The following RTL9 variants were observed in gnomAD, a reference collection of about 807,000 sequenced individuals.
RTL9 encodes retrotransposon Gag like 9, also known as retrotransposon Gag-like protein 9.
In RTL9, 19 loss-of-function variants were observed where a neutral mutation model predicts 44.7. The ratio of observed to expected loss-of-function variants is 0.42; its 90% CI spans 0.30 to 0.62. The LOEUF is 0.62. Ranked by LOEUF, RTL9 falls within the 20% of genes least tolerant of loss-of-function variation. RTL9 has a pLI of 0.16. For missense variants in RTL9, 1,105 were observed against 1,080.6 expected, an observed-to-expected ratio of 1.02 and a Z score of -0.32; for synonymous variants, 407 against 398.9, an observed-to-expected ratio of 1.02 and a Z score of -0.24.
chrX:110,382,063 C>T (rs766218269), intron 1 of RTL9, among the ~76,000 whole-genome samples: 1 of 111,669 alleles, frequency 9.0e-6, no homozygotes, highest in African/African-American at 3.3e-5. Flanking sequence ...TAATTCAAGT[C>T]TGAATCTATG....
intron 1 of RTL9, among the ~76,000 whole-genome samples, chrX:110,408,539 C>G (rs1270590718): frequency 2.7e-5 from 3 of 112,148 alleles, no homozygotes; most frequent in Non-Finnish European, 5.6e-5. Context: ...TGTTTTATAC[C>G]TAAGCATAAA....
exon 2 of RTL9, chrX:110,455,656 C>T (rs1057209331): frequency 7.6e-5 from 11 of 144,086 alleles, no homozygotes; most frequent in Admixed American, 6.3e-4. Context: ...AAACCCTTAG[C>T]GTATCTTGCC....
chrX:110,367,806 A>T (rs1185292904), intron 1 of RTL9, among the ~76,000 whole-genome samples: 1 of 109,559 alleles, frequency 9.1e-6, no homozygotes, highest in Non-Finnish European at 1.9e-5. Flanking sequence ...TCAGCTGAAT[A>T]GTTAAAAATT....
At chrX:110,412,973 GA>G (rs1219241838) in intron 1 of RTL9, among the ~76,000 whole-genome samples, 2 of 111,297 alleles carry the variant, frequency 1.8e-5, no homozygotes, top group Non-Finnish European at 3.8e-5. Context: ...GATGTAAAGG[GA>G]AAAAAAAGCT....
At chrX:110,448,978 C>A, upstream of RTL9, among the ~76,000 whole-genome samples, 1 of 110,881 alleles carries the variant, frequency 9.0e-6, no homozygotes, top group Non-Finnish European at 1.9e-5. Context: ...TTTCCCATTG[C>A]ACCAATTATT....
intron 1 of RTL9, among the ~76,000 whole-genome samples, chrX:110,428,807 T>G (rs373342036): frequency 8.9e-5 from 10 of 112,031 alleles, no homozygotes; most frequent in African/African-American, 3.3e-4. Flanking sequence ...AGGGTCCTGG[T>G]GCAAAACGAA....
upstream of RTL9, among the ~76,000 whole-genome samples, chrX:110,446,364 AT>A (rs757739676): frequency 9.0e-6 from 1 of 111,326 alleles, no homozygotes; most frequent in Non-Finnish European, 1.9e-5. Flanking sequence ...AAAACACAAA[AT>A]AAAGTGGTAC....
chrX:110,384,131 T>A (rs2068438794), intron 1 of RTL9, among the ~76,000 whole-genome samples: 2 of 111,846 alleles, frequency 1.8e-5, no homozygotes, highest in Admixed American at 1.9e-4. Context: ...AGCACTATTA[T>A]AGCATTACTT....
At chrX:110,419,031 G>A (rs2068698870), upstream of RTL9, 1 of 111,223 alleles carries the variant, frequency 9.0e-6, no homozygotes, top group African/African-American at 3.3e-5. Context: ...CCTAGTTGTG[G>A]TGGGAAATCT....
At chrX:110,409,874 G>T (rs1453870680) in intron 1 of RTL9, among the ~76,000 whole-genome samples, 1 of 111,257 alleles carries the variant, frequency 9.0e-6, no homozygotes, top group Non-Finnish European at 1.9e-5. Context: ...CTGTTGTCAG[G>T]AGCAGAAGGG....
chrX:110,378,008 C>CA (rs755483656), intron 1 of RTL9, among the ~76,000 whole-genome samples: 1,347 of 30,179 alleles, frequency 0.045, 38 homozygotes, highest in East Asian at 0.096. Context: ...GACTCCGTCT[C>CA]AAAAAAAAAA....
At chrX:110,451,964 G>A (rs1432845952) in exon 1 of RTL9, 1 of 1,209,791 alleles carries the variant, frequency 8.3e-7, no homozygotes, top group African/African-American at 1.8e-5. Flanking sequence ...GCTCTGGAGT[G>A]ATGTCCACAG....
At chrX:110,419,469 C>G (rs1360608090) in intron 1 of RTL9, among the ~76,000 whole-genome samples, 1 of 112,369 alleles carries the variant, frequency 8.9e-6, no homozygotes, top group African/African-American at 3.2e-5. Flanking sequence ...TTCCTTAACC[C>G]CATTTACTGC....
At chrX:110,439,542 A>G (rs1049678806) in intron 1 of RTL9, among the ~76,000 whole-genome samples, 1 of 112,177 alleles carries the variant, frequency 8.9e-6, no homozygotes, top group Admixed American at 9.4e-5. Flanking sequence ...CTGTGGTTGC[A>G]TTTAAGACAT....
At chrX:110,366,681 G>A (rs1370158047) in intron 1 of RTL9, among the ~76,000 whole-genome samples, 1 of 111,322 alleles carries the variant, frequency 9.0e-6, no homozygotes, top group Non-Finnish European at 1.9e-5. Flanking sequence ...CTGCTTTCAT[G>A]TGATTTGAAT....
At chrX:110,424,689 C>A (rs1157287347) in intron 1 of RTL9, among the ~76,000 whole-genome samples, 1 of 111,778 alleles carries the variant, frequency 8.9e-6, no homozygotes, top group African/African-American at 3.3e-5. Context: ...AGGCAAAAAA[C>A]CAAGCATGTA....
At chrX:110,405,100 C>CA (rs1491459309) in intron 1 of RTL9, among the ~76,000 whole-genome samples, 1 of 100,222 alleles carries the variant, frequency 1.0e-5, no homozygotes, top group East Asian at 3.2e-4. Flanking sequence ...CCCCCCCCCC[C>CA]CAAGCATGAG....
At chrX:110,409,026 G>T (rs760347692) in intron 1 of RTL9, among the ~76,000 whole-genome samples, 1 of 111,752 alleles carries the variant, frequency 8.9e-6, no homozygotes, top group Non-Finnish European at 1.9e-5. Flanking sequence ...GTGCTAGCCT[G>T]ATGGCTTCGT....
chrX:110,449,021 A>G (rs1454084483), upstream of RTL9, among the ~76,000 whole-genome samples: 3 of 110,218 alleles, frequency 2.7e-5, no homozygotes, highest in African/African-American at 1.0e-4. Context: ...TGTCAGCAGG[A>G]GGCCAGCATT....
Sources: allele counts gnomAD v4.1 joint callset (sites outside exome capture counted in the v4.1 genomes callset), GRCh38; gene constraint gnomAD v4.1.1; transcripts MANE v1.5; gene names NCBI Gene and HGNC (gene_info 2026-07-23, HGNC 2026-07-21).